GSTCD: variants seen among roughly 807,000 people sequenced by gnomAD.
GSTCD encodes the protein glutathione S-transferase C-terminal domain-containing protein.
GSTCD carries 44 observed loss-of-function variants against 68.3 expected under a neutral mutation model. The ratio of observed to expected loss-of-function variants is 0.64; its 90% CI spans 0.51 to 0.83. GSTCD has a LOEUF of 0.83. GSTCD is among the 40% of genes least tolerant of loss of function. The probability of loss-of-function intolerance (pLI) is 0.00; values close to 1 mark genes in which losing one functional copy is unlikely to be tolerated. For missense variants in GSTCD, 739 were observed against 735.9 expected, an observed-to-expected ratio of 1.00 and a Z score of -0.05; for synonymous variants, 273 against 255.2, an observed-to-expected ratio of 1.07 and a Z score of -0.67.
chr4:105,718,190 T>G (rs2149204804), intron 2 of GSTCD, 151 bp downstream of exon 2: 2 of 646,904 alleles, frequency 3.1e-6, no homozygotes, highest in East Asian at 5.7e-5. Flanking sequence ...CCCTTTGATA[T>G]AGTTTGAATA....
At chr4:105,775,649 C>A (rs931298707) in intron 5 of GSTCD, among the ~76,000 whole-genome samples, 2 of 152,198 alleles carry the variant, frequency 1.3e-5, no homozygotes, top group African/African-American at 2.4e-5. Flanking sequence ...CTGCTCCACA[C>A]CCTGTTTGCC....
intron 9 of GSTCD, among the ~76,000 whole-genome samples, chr4:105,837,140 A>C (rs1724152445): frequency 6.6e-6 from 1 of 152,106 alleles, no homozygotes; most frequent in South Asian, 2.1e-4. Flanking sequence ...AATCCTGGAG[A>C]GACTGTTCCT....
intron 5 of GSTCD, among the ~76,000 whole-genome samples, chr4:105,750,586 C>T (rs1733979751): frequency 6.6e-6 from 1 of 151,984 alleles, no homozygotes; most frequent in African/African-American, 2.4e-5. Context: ...AATATTTTGT[C>T]AGTTTCTTAC....
At chr4:105,771,770 T>C (rs1308136149) in intron 5 of GSTCD, among the ~76,000 whole-genome samples, 2 of 152,214 alleles carry the variant, frequency 1.3e-5, no homozygotes, top group African/African-American at 4.8e-5. Context: ...TTGGTTACTG[T>C]AGCCTTGTAG....
At chr4:105,801,842 AACT>A (rs1395223230) in intron 5 of GSTCD, among the ~76,000 whole-genome samples, 1 of 152,112 alleles carries the variant, frequency 6.6e-6, no homozygotes, top group Non-Finnish European at 1.5e-5. Context: ...ATCATTTTAT[AACT>A]TCTCTTTTAA....
chr4:105,728,422 G>A (rs926893269), intron 4 of GSTCD, among the ~76,000 whole-genome samples: 24 of 152,146 alleles, frequency 1.6e-4, no homozygotes, highest in African/African-American at 5.8e-4. Context: ...AGAGGTAGAT[G>A]ATGTCAGAGA....
At chr4:105,728,162 G>A (rs781293085) in intron 4 of GSTCD, among the ~76,000 whole-genome samples, 15 of 152,056 alleles carry the variant, frequency 9.9e-5, no homozygotes, top group Non-Finnish European at 1.8e-4. Context: ...TTCACCTCTC[G>A]AGTGAATATG....
rs553966505 is a variant in GSTCD, at chr4:105,769,088, A to T, written c.1240+39589A>T. On this transcript the variant is annotated intron_variant, in intron 5 of 11. Transcript: ENST00000515279. ...ATGTTTTAATTTAAATGAGAAAATT[A>T]TTTTACATTTAGTAAAAACATACAA... 2.1e-4 allele frequency among the ~76,000 whole-genome samples: 32 copies of T among 152,242 alleles called. No homozygotes were observed. In the South Asian group the frequency reaches 6.6e-3, roughly 32 times the overall value.
rs59961848 is a variant in GSTCD at position 105,739,494 on chromosome 4, T to A, written c.1240+9995T>A. On this transcript the variant is annotated intron_variant, in intron 5 of 11. Coordinates refer to ENST00000515279, the MANE Select transcript of GSTCD (RefSeq NM_001370181.1). ...CTGTGAAGCCATCAGGTCCTAAGCT[T>A]TTCTTTGATGGGAGACTTTTTATTA... 5.0e-3 allele frequency among the ~76,000 whole-genome samples: 758 copies of A among 152,282 alleles called. 17 individuals are homozygous for A. The highest frequency in any genetic ancestry group is 0.049 in the East Asian group (255 of 5,172).
At chr4:105,794,861 A>ATCTG (rs1735818500) in intron 5 of GSTCD, among the ~76,000 whole-genome samples, 3 of 144,110 alleles carry the variant, frequency 2.1e-5, no homozygotes, top group Admixed American at 2.1e-4. Context: ...CTATCTATCT[A>ATCTG]TCTATCTATC....
chr4:105,726,769 T>A lies in GSTCD; in HGVS notation c.1085T>A (p.Val362Glu), dbSNP rs1733051396. 6.2e-7 allele frequency: 1 copy of A among 1,613,834 alleles called. No homozygotes were observed. Among genetic ancestry groups the A allele is most frequent in the African/African-American group, 1.3e-5 (1 of 75,020 alleles). The change falls in exon 4 of 12, where the codon GTA (valine) becomes GAA (glutamate). Residue 362 changes from valine (V) to glutamate (E), a missense_variant. By Grantham distance (121) the Val-to-Glu change is moderately radical. Transcript: ENST00000515279. The stretch of plus-strand genomic sequence containing the variant: ...CCAAACTTATGTGAAGTCCCAGGTG[T>A]AGAAGAGCAAAGCGATCCTTTATTT... ...QHPNLCEVPG[V>E]EEQSDPLFIG...
intron 5 of GSTCD, among the ~76,000 whole-genome samples, chr4:105,756,073 A>G (rs1176534826): frequency 2.6e-5 from 4 of 152,218 alleles, no homozygotes; most frequent in African/African-American, 4.8e-5. Context: ...AAAAGATGTA[A>G]TAAAGGATAC....
In GSTCD at chr4:105,719,324, G is replaced by T. The variant is rs767738201; in HGVS notation, c.691G>T (p.Asp231Tyr). The change falls in exon 3 of 12, where the codon GAT becomes TAT. Residue 231 changes from aspartate to tyrosine, a missense_variant. By Grantham distance (160) the Asp-to-Tyr change is radical. Coordinates refer to ENST00000515279, the MANE Select transcript of GSTCD (RefSeq NM_001370181.1). ...CACACAGGAAACATCTGAAGGGTTG[G>T]ATTCTTCATCCAAGAGTCTGGAACT... Reference protein sequence around the residue: ...VHTQETSEGLDSSSKSLELKV... With the variant: ...VHTQETSEGLYSSSKSLELKV... The T allele has an allele frequency of 6.2e-7, 1 of 1,614,104 alleles. No individual in the cohort carries two copies. The highest frequency in any genetic ancestry group is 8.5e-7 in the Non-Finnish European group (1 of 1,179,998).
At chr4:105,842,301 GTAACTA>G (rs1339019013) in intron 11 of GSTCD, among the ~76,000 whole-genome samples, 167 bp downstream of exon 11, 1 of 152,142 alleles carries the variant, frequency 6.6e-6, no homozygotes, top group Non-Finnish European at 1.5e-5. Flanking sequence ...AAAGGGTATT[GTAACTA>G]TAACATTTTA....
intron 5 of GSTCD, among the ~76,000 whole-genome samples, chr4:105,802,630 A>C (rs1216578336): frequency 1.2e-4 from 19 of 152,070 alleles, no homozygotes; most frequent in Admixed American, 1.2e-3. Flanking sequence ...CTGGTTATCC[A>C]TAAGTTTACA....
At chr4:105,774,243 A>T (rs901879773) in intron 5 of GSTCD, among the ~76,000 whole-genome samples, 6 of 152,016 alleles carry the variant, frequency 3.9e-5, no homozygotes, top group African/African-American at 1.4e-4. Flanking sequence ...GAGCCTATGT[A>T]TGTCTTTGCA....
Position 105,729,481 on chromosome 4 carries a change from G to C in GSTCD, c.1222G>C (p.Ala408Pro). 1 of 1,610,988 alleles carries C rather than the reference G, an allele frequency of 6.2e-7. No homozygotes were observed. Among genetic ancestry groups the C allele is most frequent in the Non-Finnish European group, 8.5e-7 (1 of 1,178,012 alleles). ...WTLDWNVLPA[A>P]VSPKEGKMSS... ...TCTTGATTGGAATGTTCTCCCTGCA[G>C]CAGTCAGCCCAAAGGAAGGTGAGTT... The change falls in exon 5 of 12, where the codon GCA becomes CCA. Residue 408 changes from alanine to proline, a missense_variant. Coordinates refer to ENST00000515279, the MANE Select transcript of GSTCD (RefSeq NM_001370181.1).
intron 8 of GSTCD, chr4:105,827,312 A>G (rs1174881684): frequency 6.6e-6 from 1 of 152,148 alleles, no homozygotes; most frequent in Non-Finnish European, 1.5e-5. Context: ...TTGGCCCTTC[A>G]TGACTTATAG....
At chr4:105,797,627 C>G (rs996100212) in intron 5 of GSTCD, among the ~76,000 whole-genome samples, 1 of 151,978 alleles carries the variant, frequency 6.6e-6, no homozygotes, top group Non-Finnish European at 1.5e-5. Context: ...GGTGGTTGCT[C>G]AAGGTTGAGG....
Sources: allele counts gnomAD v4.1 joint callset (sites outside exome capture counted in the v4.1 genomes callset), GRCh38; gene constraint gnomAD v4.1.1; transcripts MANE v1.5; gene names NCBI Gene and HGNC (gene_info 2026-07-23, HGNC 2026-07-21).